RUNDC3B: variants seen among roughly 807,000 people sequenced by gnomAD.
RUNDC3B encodes the protein RUN domain-containing protein 3B.
Under a neutral mutation model 58.4 loss-of-function variants are expected in RUNDC3B, and 33 were observed. The observed-to-expected ratio is 0.56, with a 90% CI of 0.43 to 0.75. The LOEUF (loss-of-function observed/expected upper bound fraction) is 0.75, where lower values mean the gene tolerates loss of function less well. Among genes scored for constraint, RUNDC3B ranks in the 30% least tolerant of loss-of-function variants. RUNDC3B has a pLI of 0.00. For missense variants in RUNDC3B, 501 were observed against 535.7 expected, an observed-to-expected ratio of 0.94 and a Z score of 0.64; for synonymous variants, 193 against 195.2, an observed-to-expected ratio of 0.99 and a Z score of 0.10.
At chr7:87,700,267 A>G in intron 2 of RUNDC3B, 154 bp from the exon 3 acceptor site, 2 of 579,604 alleles carry the variant, frequency 3.5e-6, no homozygotes, top group Non-Finnish European at 5.8e-6. Flanking sequence ...GAATAGGACT[A>G]GATTTGAGGC....
intron 4 of RUNDC3B, among the ~76,000 whole-genome samples, chr7:87,738,474 T>G (rs775978382): frequency 4.6e-5 from 7 of 152,046 alleles, no homozygotes; most frequent in Non-Finnish European, 1.0e-4. Context: ...GTCTCCCCAC[T>G]GTATTTGTTT....
intron 1 of RUNDC3B, among the ~76,000 whole-genome samples, chr7:87,642,222 T>C (rs994897721): frequency 1.3e-5 from 2 of 152,142 alleles, no homozygotes; most frequent in African/African-American, 4.8e-5. Context: ...CTTGATTGTC[T>C]GTGATACAAG....
rs28746502 is a variant in RUNDC3B, at chr7:87,638,972, G to A, written c.122+10027G>A. Among the ~76,000 whole-genome samples, 658 of 152,128 alleles carry A rather than the reference G, an allele frequency of 4.3e-3. 2 individuals carry two copies. The highest frequency in any genetic ancestry group is 6.8e-3 in the Admixed American group (104 of 15,272). On this transcript the variant is annotated intron_variant, in intron 1 of 10. Transcript: ENST00000394654. Reference sequence around the variant, plus strand: ...TCGAGACTATCCTGGCTAACACGGTGAAACCCCGTCTCTACTAAAAATACA... The same window carrying A: ...TCGAGACTATCCTGGCTAACACGGTAAAACCCCGTCTCTACTAAAAATACA...
chr7:87,807,129 A>C (rs1041447854), intron 8 of RUNDC3B, among the ~76,000 whole-genome samples: 1 of 152,158 alleles, frequency 6.6e-6, no homozygotes, highest in African/African-American at 2.4e-5. Context: ...ATAATGTGAA[A>C]AGATAGTAAG....
chr7:87,657,602 G>A (rs1380697800), intron 2 of RUNDC3B, among the ~76,000 whole-genome samples: 1 of 152,102 alleles, frequency 6.6e-6, no homozygotes, highest in Non-Finnish European at 1.5e-5. Flanking sequence ...TTCCCACAAT[G>A]TTGACGGAAC....
intron 2 of RUNDC3B, among the ~76,000 whole-genome samples, chr7:87,677,987 A>G (rs1330279038): frequency 2.0e-5 from 3 of 152,260 alleles, no homozygotes; most frequent in African/African-American, 7.2e-5. Flanking sequence ...AGAAATTCCC[A>G]GATAAAGGAA....
intron 6 of RUNDC3B, among the ~76,000 whole-genome samples, chr7:87,764,943 T>C (rs1833898478): frequency 6.6e-6 from 1 of 151,884 alleles, no homozygotes; most frequent in Non-Finnish European, 1.5e-5. Context: ...ATGCTCTTTT[T>C]TGTTGGGAGA....
chr7:87,777,438 G>A (rs566695510), intron 7 of RUNDC3B, among the ~76,000 whole-genome samples: 2 of 152,282 alleles, frequency 1.3e-5, no homozygotes, highest in South Asian at 4.1e-4. Context: ...TAATGTCTAT[G>A]TGTTTTTGAA....
At chr7:87,634,494 TGGG>T (rs58092989) in intron 1 of RUNDC3B, among the ~76,000 whole-genome samples, 1 of 73,284 alleles carries the variant, frequency 1.4e-5, no homozygotes, top group African/African-American at 6.2e-5. Flanking sequence ...TGGTGGGGGG[TGGG>T]GGGGGGGGCA....
At chr7:87,661,185 G>A (rs898272300) in intron 2 of RUNDC3B, among the ~76,000 whole-genome samples, 2 of 151,500 alleles carry the variant, frequency 1.3e-5, no homozygotes, top group African/African-American at 2.4e-5. Context: ...TTTTTTACAG[G>A]CACACAATGT....
At chr7:87,629,920 CAAAAA>C (rs202130650) in intron 1 of RUNDC3B, among the ~76,000 whole-genome samples, 1 of 112,708 alleles carries the variant, frequency 8.9e-6, no homozygotes. Context: ...GAGACTTCGT[CAAAAA>C]AAAAAAAAAA....
At chr7:87,664,017 T>G (rs1245641754) in intron 2 of RUNDC3B, among the ~76,000 whole-genome samples, 1 of 152,178 alleles carries the variant, frequency 6.6e-6, no homozygotes, top group Non-Finnish European at 1.5e-5. Context: ...GGATAGGACT[T>G]AAACATGTGA....
At chr7:87,804,480 A>G (rs1374405257) in intron 8 of RUNDC3B, among the ~76,000 whole-genome samples, 1 of 152,144 alleles carries the variant, frequency 6.6e-6, no homozygotes, top group East Asian at 1.9e-4. Flanking sequence ...TGAGAAGCCA[A>G]ATTCCTAAAT....
chr7:87,693,888 T>C (rs1018185694), intron 2 of RUNDC3B: 2 of 1,603,898 alleles, frequency 1.2e-6, no homozygotes, highest in African/African-American at 2.7e-5. Flanking sequence ...TGTGTTGTTG[T>C]TGTTATTTTT....
In RUNDC3B at chr7:87,650,731, A is replaced by T. The variant is rs985594749; in HGVS notation, c.123-91A>T. The T allele has an allele frequency of 2.8e-5, 21 of 740,214 alleles. No individual in the cohort carries two copies. The South Asian group carries it at 3.1e-4, about 11-fold the overall frequency. The allele number at this position is 740,214 out of a possible 1,614,324, so 45.9% of individuals were successfully genotyped here. ...TATACTCTTGTAAAATATTTTTACA[A>T]CTCTTCCCCAAATTGCCTTCCTCCC... On this transcript the variant is annotated intron_variant, in intron 1 of 10. Coordinates refer to ENST00000394654, the MANE Select transcript of RUNDC3B (RefSeq NM_001134405.2).
chr7:87,665,642 G>A (rs976759918), intron 2 of RUNDC3B, among the ~76,000 whole-genome samples: 1 of 152,034 alleles, frequency 6.6e-6, no homozygotes. Flanking sequence ...TATTACCCAG[G>A]TAATGAGCAT....
chr7:87,665,327 C>G lies in RUNDC3B; in HGVS notation c.238+14390C>G, dbSNP rs1193489277. On this transcript the variant is annotated intron_variant, in intron 2 of 10. Coordinates refer to ENST00000394654, the MANE Select transcript of RUNDC3B (RefSeq NM_001134405.2). Reference sequence around the variant, plus strand: ...TATCCAAAAATAGAAATTAAGAAAACAGTTCCATTTCCATCAGAAAAGAAT... The same window carrying G: ...TATCCAAAAATAGAAATTAAGAAAAGAGTTCCATTTCCATCAGAAAAGAAT... Among the ~76,000 whole-genome samples, 4 of 151,896 alleles carry G rather than the reference C, an allele frequency of 2.6e-5. No individual in the cohort carries two copies. The East Asian group carries it at 7.7e-4, about 29-fold the overall frequency.
At chr7:87,649,893 C>T (rs1035271840) in intron 1 of RUNDC3B, among the ~76,000 whole-genome samples, 2 of 152,142 alleles carry the variant, frequency 1.3e-5, no homozygotes, top group Non-Finnish European at 2.9e-5. Context: ...TGCTCTCTTG[C>T]GTGCTGCCAT....
chr7:87,678,759 GA>G (rs144663833), intron 2 of RUNDC3B, among the ~76,000 whole-genome samples: 3,921 of 152,062 alleles, frequency 0.026, 165 homozygotes, highest in African/African-American at 0.089. Context: ...GAAAGTAATT[GA>G]AAAAAAGTTG....
Sources: allele counts gnomAD v4.1 joint callset (sites outside exome capture counted in the v4.1 genomes callset), GRCh38; gene constraint gnomAD v4.1.1; transcripts MANE v1.5; gene names NCBI Gene and HGNC (gene_info 2026-07-23, HGNC 2026-07-21).